Variants in MEF2A observed in about 807,000 individuals in gnomAD.
MEF2A encodes myocyte-specific enhancer factor 2A.
A neutral mutation model predicts 55.8 loss-of-function variants in MEF2A; 28 were observed. The observed-to-expected ratio is 0.50, with a 90% CI of 0.37 to 0.69. MEF2A has a LOEUF of 0.69. Among genes scored for constraint, MEF2A ranks in the 30% least tolerant of loss-of-function variants. MEF2A has a pLI of 0.00. For synonymous variants in MEF2A, 239 were observed against 227.1 expected (o/e 1.05, Z -0.47); for missense variants, 528 against 626.2 (o/e 0.84, Z 1.67).
At chr15:99,647,998 A>G (rs552385581) in intron 4 of MEF2A, among the ~76,000 whole-genome samples, 5 of 152,294 alleles carry the variant, frequency 3.3e-5, no homozygotes, top group South Asian at 2.1e-4. Flanking sequence ...TAGTAGTGCA[A>G]TTCACATACG....
At chr15:99,639,121 G>A (rs997709727) in intron 3 of MEF2A, among the ~76,000 whole-genome samples, 3 of 152,056 alleles carry the variant, frequency 2.0e-5, no homozygotes, top group Non-Finnish European at 4.4e-5. Context: ...GATACTTCAA[G>A]GTTTGCTATA....
At chr15:99,664,739 TAATG>T (rs1356026550) in intron 4 of MEF2A, among the ~76,000 whole-genome samples, 1 of 152,174 alleles carries the variant, frequency 6.6e-6, no homozygotes, top group East Asian at 1.9e-4. Context: ...TAATAAAAGA[TAATG>T]AATTCTATGG....
chr15:99,678,555 A>G, intron 7 of MEF2A: 1 of 616,468 alleles, frequency 1.6e-6, no homozygotes, highest in Non-Finnish European at 2.0e-6. Context: ...TCAAATACGT[A>G]ATTTGTTTAT....
chr15:99,647,262 TC>T (rs1478115028), intron 4 of MEF2A, among the ~76,000 whole-genome samples: 1 of 149,982 alleles, frequency 6.7e-6, no homozygotes, highest in African/African-American at 2.4e-5. Context: ...TAACTGGATT[TC>T]CTTGAAATGG....
rs570367677 is a variant in MEF2A, at chr15:99,641,922, C to T, written c.55-3639C>T. 3.3e-5 allele frequency among the ~76,000 whole-genome samples: 5 copies of T among 152,254 alleles called. No individual in the cohort carries two copies. The East Asian group carries it at 9.6e-4, about 29-fold the overall frequency. ...CAGTAGCTTTGTTTTAGAAGCTGAG[C>T]GTGCAGCATTGAACTTTTTTCAACT... On this transcript the variant is annotated intron_variant, in intron 3 of 11. Coordinates refer to ENST00000557942, the MANE Select transcript of MEF2A (RefSeq NM_001319206.4).
In MEF2A at chr15:99,671,446, CGAG is replaced by C; in HGVS notation, c.384_386del (p.Gly129del). 6.2e-7 allele frequency: 1 copy of C among 1,613,862 alleles called. No individual in the cohort carries two copies. The highest frequency in any genetic ancestry group is 8.5e-7 in the Non-Finnish European group (1 of 1,179,786). On this transcript the variant is annotated inframe_deletion, in exon 5 of 12. Transcript: ENST00000557942. Reference sequence around the variant, plus strand: ...TGAAGATAGTGATTTTATTTTCAAACGAGGCCCTGTAAGTACTTTTACTTTACC... The same window carrying C: ...TGAAGATAGTGATTTTATTTTCAAACGCCCTGTAAGTACTTTTACTTTACC...
chr15:99,695,541 T>TTGTGTGTGTGTGTGTGTGTG (rs3979129), intron 8 of MEF2A, among the ~76,000 whole-genome samples: 6,918 of 144,752 alleles, frequency 0.048, 244 homozygotes, highest in Middle Eastern at 0.08. Context: ...ATTGTCAGAT[T>TTGTGTGTGTGTGTGTGTGTG]TGTGTGTGTG....
At chr15:99,595,283 A>T (rs1056262567) in intron 1 of MEF2A, among the ~76,000 whole-genome samples, 2 of 152,132 alleles carry the variant, frequency 1.3e-5, no homozygotes, top group East Asian at 1.9e-4. Context: ...CTGCTCTTGT[A>T]GTTGTTGTTA....
intron 1 of MEF2A, among the ~76,000 whole-genome samples, chr15:99,571,655 T>G (rs1962354187): frequency 6.6e-6 from 1 of 152,184 alleles, no homozygotes. Context: ...TGATATTCAC[T>G]TGGAAGTCTA....
intron 1 of MEF2A, among the ~76,000 whole-genome samples, chr15:99,587,123 A>G (rs952524715): frequency 2.0e-5 from 3 of 152,034 alleles, no homozygotes; most frequent in African/African-American, 7.3e-5. Context: ...TTTGTTACAT[A>G]GGTATACATA....
At chr15:99,600,586 G>A (rs1247148654) in intron 2 of MEF2A, among the ~76,000 whole-genome samples, 1 of 152,034 alleles carries the variant, frequency 6.6e-6, no homozygotes, top group Non-Finnish European at 1.5e-5. Flanking sequence ...TTTGTATATG[G>A]TGTGAGGTAA....
At position 99,706,788 on chromosome 15, in the gene MEF2A, T is replaced by C; in HGVS notation, c.942T>C (p.Ser314=). 6.2e-7 allele frequency: 1 copy of C among 1,614,048 alleles called. No individual in the cohort carries two copies. Among genetic ancestry groups the C allele is most frequent in the Non-Finnish European group, 8.5e-7 (1 of 1,179,884 alleles). ...ATQPLATPVV[S]VTTPSLPPQG... ...AACCTCTTGCTACCCCAGTCGTGTC[T>C]GTGACAACCCCAAGCTTGCCTCCGC... The change falls in exon 10 of 12, where the codon TCT becomes TCC. Residue 314 remains serine, a synonymous_variant. Coordinates refer to ENST00000557942, the MANE Select transcript of MEF2A (RefSeq NM_001319206.4).
chr15:99,578,094 T>C (rs1183865283), intron 1 of MEF2A, among the ~76,000 whole-genome samples: 6 of 152,222 alleles, frequency 3.9e-5, no homozygotes, highest in African/African-American at 1.4e-4. Context: ...TGCTAATTTC[T>C]GTTTTTTCTT....
At chr15:99,632,944 G>T in intron 2 of MEF2A, 34 bp from the exon 3 acceptor site, 1 of 518,488 alleles carries the variant, frequency 1.9e-6, no homozygotes, top group Non-Finnish European at 3.4e-6. Flanking sequence ...TAAACTTACA[G>T]ATTTTAAATC....
At chr15:99,698,899 T>C (rs2056924323) in intron 8 of MEF2A, among the ~76,000 whole-genome samples, 1 of 151,312 alleles carries the variant, frequency 6.6e-6, no homozygotes, top group Non-Finnish European at 1.5e-5. Context: ...CTTTGAAGAG[T>C]TGGTCAGTTC....
intron 3 of MEF2A, among the ~76,000 whole-genome samples, chr15:99,644,890 T>C (rs1006536603): frequency 1.3e-5 from 2 of 152,168 alleles, no homozygotes; most frequent in Non-Finnish European, 2.9e-5. Context: ...TTTGAAGTTT[T>C]TGAAGGGGAG....
In MEF2A at chr15:99,715,217, G is replaced by C. The variant is rs890735449; in HGVS notation, c.*2446G>C. On this transcript the variant is annotated 3_prime_UTR_variant, in exon 12 of 12. Coordinates refer to ENST00000557942, the MANE Select transcript of MEF2A (RefSeq NM_001319206.4). ...ATTTATAGCTTTGAAAGTGTTAAGT[G>C]ATTCCTTCGTTATTATTTATGCATG... is the stretch of plus-strand genomic sequence containing the variant. 1.3e-5 allele frequency: 2 copies of C among 152,168 alleles called. No homozygotes were observed. The highest frequency in any genetic ancestry group is 2.9e-5 in the Non-Finnish European group (2 of 68,028). The allele number at this position is 152,168 out of a possible 1,614,324, so 9.4% of individuals were successfully genotyped here.
At chr15:99,592,429 G>T (rs1437765018) in intron 1 of MEF2A, among the ~76,000 whole-genome samples, 1 of 152,136 alleles carries the variant, frequency 6.6e-6, no homozygotes, top group African/African-American at 2.4e-5. Flanking sequence ...TGGCTCTTGA[G>T]TGTTTGAATT....
chr15:99,594,428 C>G (rs1181962741), intron 1 of MEF2A, among the ~76,000 whole-genome samples: 3 of 150,106 alleles, frequency 2.0e-5, no homozygotes, highest in Non-Finnish European at 4.4e-5. Context: ...GTTCAGCAAT[C>G]TGGAAGCACT....
Sources: allele counts gnomAD v4.1 joint callset (sites outside exome capture counted in the v4.1 genomes callset), GRCh38; gene constraint gnomAD v4.1.1; transcripts MANE v1.5; gene names NCBI Gene and HGNC (gene_info 2026-07-23, HGNC 2026-07-21).